Variants in OR8K3 observed in about 807,000 individuals in gnomAD.
OR8K3 encodes olfactory receptor family 8 subfamily K member 3 (gene/pseudogene), also known as olfactory receptor 8K3.
For synonymous variants in OR8K3, 167 were observed against 138.8 expected (o/e 1.20, Z -1.43); for missense variants, 448 against 367.4 (o/e 1.22, Z -1.79).
intron 2 of OR8K3, among the ~76,000 whole-genome samples, chr11:56,317,885 C>G (rs187136647): frequency 4.1e-4 from 63 of 152,140 alleles, no homozygotes; most frequent in Non-Finnish European, 7.6e-4. Context: ...TATCATCTGT[C>G]TATTCATGTA....
chr11:56,319,160 A>G lies in OR8K3; in HGVS notation c.854A>G (p.Asn285Ser). The G allele has an allele frequency of 6.2e-7, 1 of 1,613,412 alleles. No individual in the cohort carries two copies. ...TACACCCTGGTTATCCCCATGTTGA[A>G]TCCCTTGATCTATAGTTTACGAAAC... is the stretch of plus-strand genomic sequence containing the variant. ...IFYTLVIPML[N>S]PLIYSLRNKD... The change falls in exon 3 of 3, where the codon AAT (asparagine) becomes AGT (serine). Residue 285 changes from asparagine to serine, a missense_variant. Transcript: ENST00000641662.
chr11:56,318,988 ATGAATTCTGC>A lies in OR8K3; in HGVS notation c.685_694del (p.Asn229AlafsTer13), dbSNP rs755220403. ...GCTCATCCTTGTAGCCATTCTCAGG[ATGAATTCTGC>A]TGGCAGACAAAAGGCTTTTTCTACC... On this transcript the variant is annotated frameshift_variant, in exon 3 of 3. Coordinates refer to ENST00000641662, the MANE Select transcript of OR8K3 (RefSeq NM_001005202.2). LOFTEE classifies it low-confidence loss of function (END_TRUNC). 6.2e-7 allele frequency: 1 copy of A among 1,614,158 alleles called. No individual in the cohort carries two copies.
intron 1 of OR8K3, among the ~76,000 whole-genome samples, 181 bp from the exon 2 acceptor site, chr11:56,315,819 T>C (rs1020877223): frequency 6.6e-6 from 1 of 151,850 alleles, no homozygotes; most frequent in African/African-American, 2.4e-5. Flanking sequence ...AAAATAAAAT[T>C]AGGAGACTGT....
In OR8K3 at chr11:56,318,475, A is replaced by C. The variant is rs1393565412; in HGVS notation, c.169A>C (p.Thr57Pro). ...VLTKLDSRLQTPMYFFLRHLA... is the reference protein window; with the variant it reads ...VLTKLDSRLQPPMYFFLRHLA... Reference sequence around the variant, plus strand: ...CACCAAGTTGGACTCCAGGTTGCAAACCCCTATGTACTTTTTTCTCAGACA... The same window carrying C: ...CACCAAGTTGGACTCCAGGTTGCAACCCCCTATGTACTTTTTTCTCAGACA... Residue 57 changes from threonine (T) to proline (P), a missense_variant, in exon 3 of 3, where the codon ACC (threonine) becomes CCC (proline). Physicochemically the swap from Thr to Pro is conservative, Grantham distance 38. Coordinates refer to ENST00000641662, the MANE Select transcript of OR8K3 (RefSeq NM_001005202.2). 5 of 1,614,034 alleles carry C rather than the reference A, an allele frequency of 3.1e-6. No homozygotes were observed. Among genetic ancestry groups the C allele is most frequent in the Non-Finnish European group, 4.2e-6 (5 of 1,179,962 alleles).
chr11:56,318,254 A>G, intron 2 of OR8K3, 30 bp from the exon 3 acceptor site: 2 of 1,261,656 alleles, frequency 1.6e-6, no homozygotes, highest in East Asian at 2.3e-5. Flanking sequence ...GATAGAGGAA[A>G]GCTATTGACA....
chr11:56,317,128 T>C (rs557493790), intron 2 of OR8K3, among the ~76,000 whole-genome samples: 1 of 152,102 alleles, frequency 6.6e-6, no homozygotes, highest in South Asian at 2.1e-4. Context: ...ACAAAGAAGT[T>C]AATTCATAGT....
intron 2 of OR8K3, 38 bp from the exon 3 acceptor site, chr11:56,318,246 T>C (rs1854470315): frequency 8.3e-7 from 1 of 1,206,946 alleles, no homozygotes; most frequent in Non-Finnish European, 1.2e-6. Context: ...CAGGTGATGA[T>C]AGAGGAAAGC....
At position 56,318,508 on chromosome 11, in the gene OR8K3, T is replaced by TTTTTC; in HGVS notation, c.203_204insTTTCT (p.Met69PhefsTer16). On this transcript the variant is annotated frameshift_variant, in exon 3 of 3. Transcript: ENST00000641662. LOFTEE classifies it low-confidence loss of function (END_TRUNC). ...GTACTTTTTTCTCAGACATCTGGCT[T>TTTTTC]TCATGGATCTTGGTTATTCAACAAC... 1 of 1,614,080 alleles carries TTTTTC rather than the reference T, an allele frequency of 6.2e-7. No homozygotes were observed.
chr11:56,318,863 C>T lies in OR8K3; in HGVS notation c.557C>T (p.Pro186Leu), dbSNP rs1427700767. ...HFYCDSLPLL[P>L]LLCSNTHEIE... ...TACTGTGACAGTCTCCCTTTGTTAC[C>T]TTTGCTTTGTTCAAATACACATGAA... The change falls in exon 3 of 3, where the codon CCT becomes CTT. Residue 186 changes from proline (P) to leucine (L), a missense_variant. By Grantham distance (98) the Pro-to-Leu change is moderately conservative (BLOSUM62 -3). Transcript: ENST00000641662. 2.5e-6 allele frequency: 4 copies of T among 1,614,022 alleles called. No homozygotes were observed. The highest frequency in any genetic ancestry group is 3.4e-6 in the Non-Finnish European group (4 of 1,179,914).
At position 56,319,020 on chromosome 11, in the gene OR8K3, T is replaced by C. The variant is rs753368565; in HGVS notation, c.714T>C (p.Ser238=). Residue 238 remains serine (S), a synonymous_variant, in exon 3 of 3, where the codon TCT becomes TCC. Coordinates refer to ENST00000641662, the MANE Select transcript of OR8K3 (RefSeq NM_001005202.2). ...MNSAGRQKAF[S]TCGAHLTVVI... ...CTGCTGGCAGACAAAAGGCTTTTTC[T>C]ACCTGTGGAGCCCACCTGACAGTGG... The C allele has an allele frequency of 2.1e-5, 34 of 1,614,200 alleles. No individual in the cohort carries two copies. The highest frequency in any genetic ancestry group is 2.8e-5 in the Non-Finnish European group (33 of 1,180,016).
chr11:56,318,448 CT>C lies in OR8K3; in HGVS notation c.143del (p.Leu48ProfsTer35). Reference sequence around the variant, plus strand: ...GATGGGCAATTTGGGCATGATTGTCCTCACCAAGTTGGACTCCAGGTTGCAA... The same window carrying C: ...GATGGGCAATTTGGGCATGATTGTCCCACCAAGTTGGACTCCAGGTTGCAA... ...SVMGNLGMIVLTKLDSRLQTP... is the reference protein window; with the variant it reads ...SVMGNLGMIVXTKLDSRLQTP... On this transcript the variant is annotated frameshift_variant, in exon 3 of 3. Coordinates refer to ENST00000641662, the MANE Select transcript of OR8K3 (RefSeq NM_001005202.2). LOFTEE classifies it low-confidence loss of function (END_TRUNC). 6.2e-7 allele frequency: 1 copy of C among 1,614,046 alleles called. No homozygotes were observed. The highest frequency in any genetic ancestry group is 8.5e-7 in the Non-Finnish European group (1 of 1,179,976).
intron 2 of OR8K3, among the ~76,000 whole-genome samples, chr11:56,317,024 G>T (rs1590837402): frequency 6.6e-6 from 1 of 152,046 alleles, no homozygotes; most frequent in Non-Finnish European, 1.5e-5. Flanking sequence ...CCCAAGTTTA[G>T]TCATGAATTG....
rs757210554 is a variant in OR8K3, at chr11:56,316,041, A to G, written c.-40A>G. 1.2e-4 allele frequency: 19 copies of G among 152,034 alleles called. No homozygotes were observed. The highest frequency in any genetic ancestry group is 2.2e-4 in the Non-Finnish European group (15 of 67,910). The allele number at this position is 152,034 out of a possible 1,614,324, so 9.4% of individuals were successfully genotyped here. A position where few individuals can be genotyped will look rare whatever the true frequency, so the allele number is the denominator to read the frequency against. ...AAAGGAACCTCATTTATATTTCCTTACCTAACAAGAAAACAGGTACTTATC... is the reference window on the plus strand; with the variant it reads ...AAAGGAACCTCATTTATATTTCCTTGCCTAACAAGAAAACAGGTACTTATC... On this transcript the variant is annotated 5_prime_UTR_variant, in exon 2 of 3. Transcript: ENST00000641662.
At chr11:56,315,367 T>A (rs1024000037) in intron 1 of OR8K3, among the ~76,000 whole-genome samples, 200 bp downstream of exon 1, 1 of 152,180 alleles carries the variant, frequency 6.6e-6, no homozygotes, top group Admixed American at 6.5e-5. Flanking sequence ...ATTTTTCATA[T>A]GCTTTTTAAG....
In OR8K3 at chr11:56,318,353, G is replaced by C; in HGVS notation, c.47G>C (p.Gly16Ala). The C allele has an allele frequency of 1.2e-6, 2 of 1,613,874 alleles. No homozygotes were observed. Among genetic ancestry groups the C allele is most frequent in the South Asian group, 2.2e-5 (2 of 91,068 alleles). Reference protein sequence around the residue: ...LTTVNEFILTGITDIAELQAP... With the variant: ...LTTVNEFILTAITDIAELQAP... ...ACGGTGAATGAATTCATTCTTACGGGAATCACAGATATCGCTGAGCTGCAG... is the reference window on the plus strand; with the variant it reads ...ACGGTGAATGAATTCATTCTTACGGCAATCACAGATATCGCTGAGCTGCAG... The change falls in exon 3 of 3, where the codon GGA (glycine) becomes GCA (alanine). Residue 16 changes from glycine (G) to alanine (A), a missense_variant. Coordinates refer to ENST00000641662, the MANE Select transcript of OR8K3 (RefSeq NM_001005202.2).
In OR8K3 at chr11:56,318,928, A is replaced by G. The variant is rs1485308785; in HGVS notation, c.622A>G (p.Ile208Val). The G allele has an allele frequency of 6.2e-7, 1 of 1,613,888 alleles. No homozygotes were observed. The highest frequency in any genetic ancestry group is 1.1e-5 in the South Asian group (1 of 91,072). The change falls in exon 3 of 3, where the codon ATT (isoleucine) becomes GTT (valine). Residue 208 changes from isoleucine (I) to valine (V), a missense_variant. By Grantham distance (29) the Ile-to-Val change is conservative. Coordinates refer to ENST00000641662, the MANE Select transcript of OR8K3 (RefSeq NM_001005202.2). ...TCTGATCTTTGCAGCTATTGATTTGATTTCATCTCTTCTGATAGTTCTTTT... is the reference window on the plus strand; with the variant it reads ...TCTGATCTTTGCAGCTATTGATTTGGTTTCATCTCTTCTGATAGTTCTTTT... ...IILIFAAIDL[I>V]SSLLIVLLSY...
rs1401297725 is a variant in OR8K3, at chr11:56,320,182, T to C, written c.*937T>C. 1.3e-5 allele frequency: 2 copies of C among 152,240 alleles called. No individual in the cohort carries two copies. The highest frequency in any genetic ancestry group is 2.9e-5 in the Non-Finnish European group (2 of 68,032). 9.4% of individuals were successfully genotyped at this position (152,240 alleles called of 1,614,324 possible). A position where few individuals can be genotyped will look rare whatever the true frequency, so the allele number is the denominator to read the frequency against. ...AGTCTCTCACTGAGTTGACAATCCA[T>C]AATTTTTATCAATATGCACTATATC... On this transcript the variant is annotated 3_prime_UTR_variant, in exon 3 of 3. Transcript: ENST00000641662.
At position 56,318,649 on chromosome 11, in the gene OR8K3, C is replaced by T; in HGVS notation, c.343C>T (p.Leu115Phe). 1.2e-6 allele frequency: 2 copies of T among 1,613,608 alleles called. No homozygotes were observed. Among genetic ancestry groups the T allele is most frequent in the Non-Finnish European group, 1.7e-6 (2 of 1,179,568 alleles). The change falls in exon 3 of 3, where the codon CTC (leucine) becomes TTC (phenylalanine). Residue 115 changes from leucine to phenylalanine, a missense_variant. By Grantham distance (22) the Leu-to-Phe change is conservative. Coordinates refer to ENST00000641662, the MANE Select transcript of OR8K3 (RefSeq NM_001005202.2). Reference sequence around the variant, plus strand: ...GTTCATTGGTAGTGAACTTTTTATTCTCTCAGCCATGTCCTACGACCTCTA... The same window carrying T: ...GTTCATTGGTAGTGAACTTTTTATTTTCTCAGCCATGTCCTACGACCTCTA... The part of the protein sequence containing the change: ...LVFIGSELFI[L>F]SAMSYDLYVA...
rs1462230086 is a variant in OR8K3, at chr11:56,319,549, G to A, written c.*304G>A. On this transcript the variant is annotated 3_prime_UTR_variant, in exon 3 of 3. Transcript: ENST00000641662. The stretch of plus-strand genomic sequence containing the variant: ...AAGCTAGTATGCTGGGTGGCAGTAG[G>A]AAACAGTGGTCATTACAGAAGGGAG... 7.3e-6 allele frequency: 2 copies of A among 273,950 alleles called. No individual in the cohort carries two copies. Among genetic ancestry groups the A allele is most frequent in the African/African-American group, 4.4e-5 (2 of 45,756 alleles). 17.0% of individuals were successfully genotyped at this position (273,950 alleles called of 1,614,324 possible). A position where few individuals can be genotyped will look rare whatever the true frequency, so the allele number is the denominator to read the frequency against.
Sources: allele counts gnomAD v4.1 joint callset (sites outside exome capture counted in the v4.1 genomes callset), GRCh38; gene constraint gnomAD v4.1.1; transcripts MANE v1.5; gene names NCBI Gene and HGNC (gene_info 2026-07-23, HGNC 2026-07-21).